UIMC1: variants seen among roughly 807,000 people sequenced by gnomAD.
The protein encoded by UIMC1 is ubiquitin interaction motif containing 1, also known as BRCA1-A complex subunit RAP80.
A neutral mutation model predicts 84.9 loss-of-function variants in UIMC1; 42 were observed. That is an observed-to-expected ratio of 0.49 (90% confidence interval 0.39 to 0.64). UIMC1 has a LOEUF of 0.64. Ranked by LOEUF, UIMC1 falls within the 30% of genes least tolerant of loss-of-function variation. The probability of loss-of-function intolerance (pLI) is 0.00; values close to 1 mark genes in which losing one functional copy is unlikely to be tolerated. For missense variants in UIMC1, 825 were observed against 847.6 expected, an observed-to-expected ratio of 0.97 and a Z score of 0.33; for synonymous variants, 281 against 293.0, an observed-to-expected ratio of 0.96 and a Z score of 0.42.
At chr5:177,011,904 C>T (rs1775556404) in intron 1 of UIMC1, among the ~76,000 whole-genome samples, 1 of 151,912 alleles carries the variant, frequency 6.6e-6, no homozygotes, top group African/African-American at 2.4e-5. Flanking sequence ...GGGTTCACAC[C>T]ATTCTCCTTC....
chr5:176,906,208 G>A, intron 13 of UIMC1, 161 bp from the exon 14 acceptor site: 1 of 616,160 alleles, frequency 1.6e-6, no homozygotes, highest in South Asian at 2.1e-5. Flanking sequence ...GTGAGCATTA[G>A]TGTCCAACAG....
chr5:176,982,635 G>C lies in UIMC1; in HGVS notation c.-8-12C>G. On this transcript the variant is annotated splice_polypyrimidine_tract_variant and intron_variant, in intron 1 of 14. Transcript: ENST00000511320. Reference sequence around the variant, plus strand: ...TGGCATCCTTTTGTCTAGAATAAAAGGACAATAATTTTGTCTAGAATAAAA... The same window carrying C: ...TGGCATCCTTTTGTCTAGAATAAAACGACAATAATTTTGTCTAGAATAAAA... 3 of 1,603,332 alleles carry C rather than the reference G, an allele frequency of 1.9e-6. No individual in the cohort carries two copies. The highest frequency in any genetic ancestry group is 2.5e-6 in the Non-Finnish European group (3 of 1,177,312).
intron 1 of UIMC1, among the ~76,000 whole-genome samples, chr5:176,996,193 G>T (rs1773585531): frequency 6.6e-6 from 1 of 152,106 alleles, no homozygotes; most frequent in Non-Finnish European, 1.5e-5. Flanking sequence ...ATGTCTAAAA[G>T]ACTACAAACT....
intron 1 of UIMC1, among the ~76,000 whole-genome samples, chr5:177,021,823 G>C (rs1209684114): frequency 6.6e-6 from 1 of 152,134 alleles, no homozygotes; most frequent in Non-Finnish European, 1.5e-5. Flanking sequence ...GTCTAATTTT[G>C]TATTTTTAGT....
At chr5:177,022,237 G>A (rs57724977) in intron 1 of UIMC1, among the ~76,000 whole-genome samples, 20,804 of 152,090 alleles carry the variant, frequency 0.14, 3,420 homozygotes, top group African/African-American at 0.39. Flanking sequence ...ATACAGGTCC[G>A]GAGTCTCGGG....
chr5:176,906,179 T>C, intron 13 of UIMC1, 132 bp from the exon 14 acceptor site: 2 of 779,248 alleles, frequency 2.6e-6, no homozygotes, highest in Non-Finnish European at 4.2e-6. Context: ...AGATCCCCAA[T>C]CCCCTAAACC....
intron 10 of UIMC1, among the ~76,000 whole-genome samples, chr5:176,915,656 A>C (rs1309813945): frequency 1.3e-5 from 2 of 151,752 alleles, no homozygotes; most frequent in Non-Finnish European, 2.9e-5. Flanking sequence ...GGGTTTCACC[A>C]TCTTGGGCAG....
chr5:176,927,360 T>A (rs1165783975), intron 10 of UIMC1, among the ~76,000 whole-genome samples: 2 of 151,816 alleles, frequency 1.3e-5, no homozygotes, highest in Non-Finnish European at 2.9e-5. Flanking sequence ...TTCAAGCGAT[T>A]CTCCTGCCTC....
At chr5:177,012,552 G>A (rs1365190389) in intron 1 of UIMC1, among the ~76,000 whole-genome samples, 1 of 152,054 alleles carries the variant, frequency 6.6e-6, no homozygotes, top group African/African-American at 2.4e-5. Context: ...AACTAGCCAG[G>A]CGCGGTGGCA....
chr5:176,905,037 G>C lies in UIMC1; in HGVS notation c.*245C>G. ...TTTCCATCTATTGAAATAAGATTTC[G>C]TACAAACATAAATATATTTAAATTT... On this transcript the variant is annotated 3_prime_UTR_variant, in exon 15 of 15. Coordinates refer to ENST00000511320, the MANE Select transcript of UIMC1 (RefSeq NM_001199298.2). 5.8e-6 allele frequency: 2 copies of C among 345,998 alleles called. No homozygotes were observed. Among genetic ancestry groups the C allele is most frequent in the South Asian group, 1.2e-4 (2 of 16,666 alleles). 21.4% of individuals were successfully genotyped at this position (345,998 alleles called of 1,614,324 possible).
intron 10 of UIMC1, among the ~76,000 whole-genome samples, chr5:176,921,966 TTG>T (rs1309840052): frequency 2.0e-5 from 3 of 152,162 alleles, no homozygotes; most frequent in Admixed American, 6.5e-5. Context: ...AATTCAGTCA[TTG>T]TGTCTTTCCT....
At chr5:176,923,864 A>G (rs1762023987) in intron 10 of UIMC1, among the ~76,000 whole-genome samples, 1 of 33,880 alleles carries the variant, frequency 3.0e-5, no homozygotes, top group African/African-American at 8.0e-5. Context: ...ACTCTGTCTC[A>G]AAAAAAAAAA....
At chr5:176,989,854 T>C (rs1487023152) in intron 1 of UIMC1, among the ~76,000 whole-genome samples, 1 of 151,890 alleles carries the variant, frequency 6.6e-6, no homozygotes, top group Non-Finnish European at 1.5e-5. Flanking sequence ...AAAATTCATA[T>C]GCTGACATCT....
intron 6 of UIMC1, among the ~76,000 whole-genome samples, chr5:176,966,588 T>A (rs925017769): frequency 6.6e-6 from 1 of 152,208 alleles, no homozygotes; most frequent in African/African-American, 2.4e-5. Flanking sequence ...ACAATTTATA[T>A]ATAAAGAGTT....
rs146806119 is a variant in UIMC1 at position 176,982,419 on chromosome 5, A to T, written c.147+50T>A. 153 of 1,576,312 alleles carry T rather than the reference A, an allele frequency of 9.7e-5. No homozygotes were observed. The East Asian group carries it at 3.4e-3, about 35-fold the overall frequency. ...CGAAACAAACTCCCCATGGGTAAAG[A>T]AGCATAGTTTGAGAGCTACAGCTCT... On this transcript the variant is annotated intron_variant, in intron 2 of 14. Coordinates refer to ENST00000511320, the MANE Select transcript of UIMC1 (RefSeq NM_001199298.2).
chr5:176,940,192 G>A (rs1764245519), intron 10 of UIMC1, among the ~76,000 whole-genome samples: 1 of 152,222 alleles, frequency 6.6e-6, no homozygotes, highest in Non-Finnish European at 1.5e-5. Context: ...ATGTGAGTTT[G>A]AGTTCTCTCA....
chr5:176,956,754 A>G (rs1165216556), intron 7 of UIMC1, among the ~76,000 whole-genome samples: 1 of 151,816 alleles, frequency 6.6e-6, no homozygotes, highest in Non-Finnish European at 1.5e-5. Context: ...AGTATGCAAG[A>G]GGATGCTTGA....
At chr5:176,911,273 T>C in intron 11 of UIMC1, 38 bp downstream of exon 11, 1 of 1,548,776 alleles carries the variant, frequency 6.5e-7, no homozygotes, top group Non-Finnish European at 8.8e-7. Flanking sequence ...CGATGGTATG[T>C]TATACAAGAG....
At position 176,943,476 on chromosome 5, in the gene UIMC1, C is replaced by G; in HGVS notation, c.1456G>C (p.Glu486Gln). 7 of 1,613,926 alleles carry G rather than the reference C, an allele frequency of 4.3e-6. No homozygotes were observed. Among genetic ancestry groups the G allele is most frequent in the Non-Finnish European group, 5.9e-6 (7 of 1,179,882 alleles). The change falls in exon 10 of 15, where the codon GAA becomes CAA. Residue 486 changes from glutamate to glutamine, a missense_variant. Transcript: ENST00000511320. ...ATAGCTACTTCCTTCTCAGCATCTT[C>G]CTTGTTACCAACCTGAAGAACATGA... ...IMADKEVGNK[E>Q]DAEKEVAIST...
Sources: gnomAD v4.1 joint callset for allele counts (sites outside exome capture counted in the v4.1 genomes callset) on GRCh38, gnomAD v4.1.1 for gene constraint, MANE v1.5 for transcripts, NCBI Gene and HGNC (gene_info 2026-07-23, HGNC 2026-07-21) for gene names.